The following TRIP11 variants were observed in gnomAD, a reference collection of about 807,000 sequenced individuals.
TRIP11 encodes thyroid hormone receptor interactor 11.
In TRIP11, 148 loss-of-function variants were observed where a neutral mutation model predicts 223.1. The observed-to-expected ratio is 0.66, with a 90% CI of 0.58 to 0.76. TRIP11 has a LOEUF of 0.76. TRIP11 is among the 30% of genes least tolerant of loss of function. TRIP11 has a pLI of 0.00. For missense variants in TRIP11, 2,043 were observed against 2,222.0 expected, an observed-to-expected ratio of 0.92 and a Z score of 1.62; for synonymous variants, 762 against 772.6, an observed-to-expected ratio of 0.99 and a Z score of 0.23.
chr14:92,010,447 T>C (rs975230863), intron 9 of TRIP11, among the ~76,000 whole-genome samples: 2 of 152,064 alleles, frequency 1.3e-5, no homozygotes, highest in Admixed American at 1.3e-4. Context: ...GGAGAATCGC[T>C]TGAACCCGGG....
chr14:92,022,565 G>A (rs1352230986), intron 3 of TRIP11, among the ~76,000 whole-genome samples: 3 of 152,118 alleles, frequency 2.0e-5, no homozygotes, highest in Non-Finnish European at 4.4e-5. Context: ...AAGTCATAGC[G>A]CAAAAGAAAT....
At chr14:92,022,660 T>C (rs2057129385) in intron 3 of TRIP11, among the ~76,000 whole-genome samples, 1 of 152,276 alleles carries the variant, frequency 6.6e-6, no homozygotes, top group East Asian at 1.9e-4. Flanking sequence ...TAGACAGAAC[T>C]GAAAAAAGTT....
At position 92,015,779 on chromosome 14, in the gene TRIP11, A is replaced by C. The variant is rs1427601576; in HGVS notation, c.740T>G (p.Leu247Trp). 1.2e-6 allele frequency: 2 copies of C among 1,613,470 alleles called. No individual in the cohort carries two copies. Among genetic ancestry groups the C allele is most frequent in the Non-Finnish European group, 1.7e-6 (2 of 1,179,814 alleles). Reference sequence around the variant, plus strand: ...TCGATGTCGTCGACTTATTTCTGTCAATTTCTGTTGGTGTGCATTCTGCAG... The same window carrying C: ...TCGATGTCGTCGACTTATTTCTGTCCATTTCTGTTGGTGTGCATTCTGCAG... ...SVLQNAHQQK[L>W]TEISRRHREE... Residue 247 changes from leucine (L) to tryptophan (W), a missense_variant, in exon 6 of 21, where the codon TTG (leucine) becomes TGG (tryptophan). Transcript: ENST00000267622.
chr14:91,986,642 A>G (rs2056607223), intron 16 of TRIP11, among the ~76,000 whole-genome samples: 2 of 152,218 alleles, frequency 1.3e-5, no homozygotes, highest in Non-Finnish European at 2.9e-5. Flanking sequence ...ATAGTAGCAT[A>G]ACATATAGCA....
Position 91,968,014 on chromosome 14 carries a change from C to A in TRIP11, c.*1659G>T. ...GGAGATACAAGACATTCTGAAGCAG[C>A]ATTTTCAGTTACTTCATTTTTCAGA... On this transcript the variant is annotated 3_prime_UTR_variant, in exon 21 of 21. Coordinates refer to ENST00000267622, the MANE Select transcript of TRIP11 (RefSeq NM_004239.4). The A allele has an allele frequency of 5.0e-6, 1 of 200,874 alleles. No homozygotes were observed. Among genetic ancestry groups the A allele is most frequent in the Non-Finnish European group, 1.0e-5 (1 of 97,506 alleles). The allele number at this position is 200,874 out of a possible 1,614,324, so 12.4% of individuals were successfully genotyped here.
chr14:92,004,891 C>G lies in TRIP11; in HGVS notation c.3085G>C (p.Glu1029Gln). The change falls in exon 11 of 21, where the codon GAA (glutamate) becomes CAA (glutamine). Residue 1029 changes from glutamate to glutamine, a missense_variant. Coordinates refer to ENST00000267622, the MANE Select transcript of TRIP11 (RefSeq NM_004239.4). Reference protein sequence around the residue: ...ERLVKGIKERELEIKLLNEKN... With the variant: ...ERLVKGIKERQLEIKLLNEKN... ...TCATTTAGAAGTTTAATCTCCAGTT[C>G]TCGCTCTTTTATTCCTTTCACTAAT... 1 of 1,613,838 alleles carries G rather than the reference C, an allele frequency of 6.2e-7. No homozygotes were observed. The highest frequency in any genetic ancestry group is 8.5e-7 in the Non-Finnish European group (1 of 1,179,984).
At chr14:92,009,085 A>C (rs931110167) in intron 9 of TRIP11, among the ~76,000 whole-genome samples, 1 of 152,238 alleles carries the variant, frequency 6.6e-6, no homozygotes, top group African/African-American at 2.4e-5. Flanking sequence ...AGATGGAAAC[A>C]GCATTCTCTT....
intron 14 of TRIP11, 108 bp downstream of exon 14, chr14:91,995,244 T>G: frequency 1.5e-6 from 2 of 1,351,190 alleles, no homozygotes; most frequent in Admixed American, 1.7e-5. Flanking sequence ...TACCAGTGGG[T>G]AACCTTTCAG....
chr14:92,014,877 G>A (rs1247332448), intron 6 of TRIP11, among the ~76,000 whole-genome samples: 4 of 151,268 alleles, frequency 2.6e-5, no homozygotes, highest in Non-Finnish European at 4.4e-5. Flanking sequence ...TACCACAAAG[G>A]TAAAAAGGAC....
At position 91,999,379 on chromosome 14, in the gene TRIP11, G is replaced by A. The variant is rs777125011; in HGVS notation, c.4753C>T (p.Arg1585Cys). 52 of 1,613,678 alleles carry A rather than the reference G, an allele frequency of 3.2e-5. No individual in the cohort carries two copies. Among genetic ancestry groups the A allele is most frequent in the Admixed American group, 6.7e-5 (4 of 59,974 alleles). The change falls in exon 13 of 21, where the codon CGT becomes TGT. Residue 1585 changes from arginine (R) to cysteine (C), a missense_variant. Arg to Cys is a radical substitution (Grantham distance 180, BLOSUM62 -3). Coordinates refer to ENST00000267622, the MANE Select transcript of TRIP11 (RefSeq NM_004239.4). ...FRSNQELERL[R>C]NHLLESEDSY... is the part of the protein sequence containing the mutation. ...TCTTCTGATTCTAAAAGATGATTAC[G>A]CAATCTCTCTAGCTCTTGGTTTGAA...
In TRIP11 at chr14:92,004,136, T is replaced by C. The variant is rs887207314; in HGVS notation, c.3840A>G (p.Lys1280=). 11 of 1,614,016 alleles carry C rather than the reference T, an allele frequency of 6.8e-6. No individual in the cohort carries two copies. The highest frequency in any genetic ancestry group is 8.5e-6 in the Non-Finnish European group (10 of 1,180,042). Residue 1280 remains lysine, a synonymous_variant, in exon 11 of 21, where the codon AAA becomes AAG. Coordinates refer to ENST00000267622, the MANE Select transcript of TRIP11 (RefSeq NM_004239.4). ...CTAATTCCTGCCCAAAATTTTTGAGTTTGGTTTCATTCTGCTCATAACTTT... is the reference window on the plus strand; with the variant it reads ...CTAATTCCTGCCCAAAATTTTTGAGCTTGGTTTCATTCTGCTCATAACTTT... ...LIQSYEQNET[K]LKNFGQELAQ...
rs1206129399 is a variant in TRIP11, at chr14:92,006,409, T to C, written c.1567A>G (p.Asn523Asp). The change falls in exon 11 of 21, where the codon AAT (asparagine) becomes GAT (aspartate). Residue 523 changes from asparagine to aspartate, a missense_variant. Asn to Asp is a conservative substitution (Grantham distance 23). Coordinates refer to ENST00000267622, the MANE Select transcript of TRIP11 (RefSeq NM_004239.4). ...LIKDQLSKQQ[N>D]EGDSIISKLK... The stretch of plus-strand genomic sequence containing the variant: ...TTACTGATGATGCTATCTCCTTCAT[T>C]TTGTTGTTTTGATAGCTGATCTTTT... 2 of 1,613,210 alleles carry C rather than the reference T, an allele frequency of 1.2e-6. No individual in the cohort carries two copies. Among genetic ancestry groups the C allele is most frequent in the South Asian group, 2.2e-5 (2 of 91,006 alleles).
Position 91,967,783 on chromosome 14 carries a change from T to C in TRIP11, c.*1890A>G, listed in dbSNP as rs1453333073. The C allele has an allele frequency of 5.1e-6, 1 of 194,880 alleles. No individual in the cohort carries two copies. The highest frequency in any genetic ancestry group is 2.3e-5 in the African/African-American group (1 of 43,208). The allele number at this position is 194,880 out of a possible 1,614,324, so 12.1% of individuals were successfully genotyped here. A position where few individuals can be genotyped will look rare whatever the true frequency, so the allele number is the denominator to read the frequency against. On this transcript the variant is annotated 3_prime_UTR_variant, in exon 21 of 21. Transcript: ENST00000267622. The stretch of plus-strand genomic sequence containing the variant: ...TTCATTTCTCCACACTGAAATGAAA[T>C]TTCAATGGCAAGCAGCAAATAATGT...
Position 91,976,107 on chromosome 14 carries a change from C to G in TRIP11, c.5342+1G>C. The G allele has an allele frequency of 6.2e-7, 1 of 1,611,522 alleles. No individual in the cohort carries two copies. Among genetic ancestry groups the G allele is most frequent in the East Asian group, 2.2e-5 (1 of 44,758 alleles). Reference sequence around the variant, plus strand: ...ACAAACATTAAAAGCAAAAAGCATACTTGTCTACTTTTCCTTCTGAGCTGT... The same window carrying G: ...ACAAACATTAAAAGCAAAAAGCATAGTTGTCTACTTTTCCTTCTGAGCTGT... On this transcript the variant is annotated splice_donor_variant, in intron 17 of 20. Coordinates refer to ENST00000267622, the MANE Select transcript of TRIP11 (RefSeq NM_004239.4). LOFTEE classifies it high-confidence loss of function.
intron 15 of TRIP11, among the ~76,000 whole-genome samples, chr14:91,992,345 G>A (rs985193059): frequency 2.6e-5 from 4 of 152,108 alleles, no homozygotes; most frequent in Admixed American, 1.3e-4. Flanking sequence ...GTGAAGGGGT[G>A]CATAAGGAAC....
chr14:91,984,380 A>C (rs1417309751), intron 16 of TRIP11, among the ~76,000 whole-genome samples: 3 of 138,578 alleles, frequency 2.2e-5, no homozygotes, highest in Non-Finnish European at 3.0e-5. Flanking sequence ...CAGTGGCGTG[A>C]TCTCAACTCA....
intron 4 of TRIP11, among the ~76,000 whole-genome samples, chr14:92,020,521 C>T (rs932312393): frequency 1.3e-5 from 2 of 151,944 alleles, no homozygotes; most frequent in African/African-American, 2.4e-5. Context: ...TAGCAGAAAC[C>T]TCAGACAACA....
intron 7 of TRIP11, among the ~76,000 whole-genome samples, chr14:92,013,362 T>A (rs1566865393): frequency 6.6e-6 from 1 of 152,194 alleles, no homozygotes; most frequent in Non-Finnish European, 1.5e-5. Flanking sequence ...ATAATCCTCA[T>A]TACTAAAACT....
chr14:91,974,064 C>T (rs1800164382), intron 19 of TRIP11, among the ~76,000 whole-genome samples: 2 of 152,078 alleles, frequency 1.3e-5, no homozygotes, highest in Admixed American at 6.6e-5. Flanking sequence ...GAGAAAGAAA[C>T]TCCACATTCT....
Sources: gnomAD v4.1 joint callset for allele counts (sites outside exome capture counted in the v4.1 genomes callset) on GRCh38, gnomAD v4.1.1 for gene constraint, MANE v1.5 for transcripts, NCBI Gene and HGNC (gene_info 2026-07-23, HGNC 2026-07-21) for gene names.